Variants in IMMP2L observed in about 807,000 individuals in gnomAD.
IMMP2L encodes the protein inner mitochondrial membrane peptidase subunit 2.
A neutral mutation model predicts 19.3 loss-of-function variants in IMMP2L; 18 were observed. The observed-to-expected ratio is 0.93, with a 90% CI of 0.64 to 1.38. IMMP2L has a LOEUF of 1.38. Among genes scored for constraint, IMMP2L ranks in the 40% most tolerant of loss-of-function variants. The pLI is 0.00. For synonymous variants in IMMP2L, 76 were observed against 73.0 expected (o/e 1.04, Z -0.21); for missense variants, 233 against 218.2 (o/e 1.07, Z -0.43).
intron 5 of IMMP2L, among the ~76,000 whole-genome samples, chr7:110,882,282 C>T (rs911796673): frequency 1.4e-5 from 2 of 138,552 alleles, no homozygotes; most frequent in Admixed American, 7.1e-5. Flanking sequence ...CTCTCTTTGT[C>T]AAGTGCCTTC....
intron 3 of IMMP2L, among the ~76,000 whole-genome samples, chr7:111,259,332 T>G (rs1266813255): frequency 6.6e-6 from 1 of 152,028 alleles, no homozygotes; most frequent in Non-Finnish European, 1.5e-5. Flanking sequence ...TATTTTAAAT[T>G]TTTTCTTCAA....
chr7:110,810,427 T>C (rs1287319140), intron 5 of IMMP2L, among the ~76,000 whole-genome samples: 1 of 152,064 alleles, frequency 6.6e-6, no homozygotes, highest in Non-Finnish European at 1.5e-5. Flanking sequence ...CATCTTAATA[T>C]ACTGGGGGCA....
intron 3 of IMMP2L, among the ~76,000 whole-genome samples, chr7:111,263,638 T>A (rs1817550357): frequency 6.6e-6 from 1 of 152,128 alleles, no homozygotes; most frequent in African/African-American, 2.4e-5. Context: ...AATGGTATTT[T>A]TAAACCACAA....
intron 5 of IMMP2L, among the ~76,000 whole-genome samples, chr7:110,832,952 A>C (rs1804101438): frequency 6.6e-6 from 1 of 152,198 alleles, no homozygotes; most frequent in Non-Finnish European, 1.5e-5. Context: ...ACAGCTCCTG[A>C]CATGTTTTCC....
chr7:110,699,523 C>G (rs1479322956), intron 5 of IMMP2L, among the ~76,000 whole-genome samples: 1 of 152,104 alleles, frequency 6.6e-6, no homozygotes, highest in Non-Finnish European at 1.5e-5. Context: ...TTAATTCCAG[C>G]ACTTTGGGAG....
At chr7:111,240,274 T>C (rs1814846629) in intron 3 of IMMP2L, among the ~76,000 whole-genome samples, 2 of 152,008 alleles carry the variant, frequency 1.3e-5, no homozygotes, top group African/African-American at 4.8e-5. Flanking sequence ...CATCATTCCT[T>C]TAAAAACTGT....
chr7:110,878,146 C>G (rs1030425204), intron 5 of IMMP2L, among the ~76,000 whole-genome samples: 13 of 152,148 alleles, frequency 8.5e-5, no homozygotes, highest in African/African-American at 3.1e-4. Flanking sequence ...CATGTTTCAA[C>G]TTGTGATTCT....
chr7:110,697,216 T>C (rs7778435), intron 5 of IMMP2L, among the ~76,000 whole-genome samples: 43,537 of 152,044 alleles, frequency 0.29, 7,687 homozygotes, highest in African/African-American at 0.5. Flanking sequence ...TCTCATGATA[T>C]CCTTATGACT....
In IMMP2L at chr7:110,727,130, A is replaced by G. The variant is rs577481059; in HGVS notation, c.409-63409T>C. Among the ~76,000 whole-genome samples, 43 of 152,332 alleles carry G rather than the reference A, an allele frequency of 2.8e-4. No individual in the cohort carries two copies. The highest frequency in any genetic ancestry group is 5.9e-4 in the Admixed American group (9 of 15,300). On this transcript the variant is annotated intron_variant, in intron 5 of 5. Coordinates refer to ENST00000405709, the MANE Select transcript of IMMP2L (RefSeq NM_032549.4). This position sits in a 1 kb window ranked among gnomAD's most constrained non-coding sequence, Gnocchi z 4.3. ...AGGCTGGGTGCAATGGCTCACGCCT[A>G]TAATTCCAGAACTTTGAGAGGCTGA... is the stretch of plus-strand genomic sequence containing the variant.
chr7:111,222,428 G>A lies in IMMP2L; in HGVS notation c.240-258863C>T, dbSNP rs370091735. ...ATATTTTCAAGACTTATGACAAACA[G>A]ATGATTATTATCCAGAATATAAAAG... On this transcript the variant is annotated intron_variant, in intron 3 of 5. Coordinates refer to ENST00000405709, the MANE Select transcript of IMMP2L (RefSeq NM_032549.4). Among the ~76,000 whole-genome samples the A allele has an allele frequency of 1.3e-4, 20 of 151,590 alleles. No homozygotes were observed. In the East Asian group the frequency reaches 3.7e-3, roughly 28 times the overall value.
intron 3 of IMMP2L, among the ~76,000 whole-genome samples, chr7:111,426,428 GT>G (rs1836085058): frequency 6.6e-6 from 1 of 150,734 alleles, no homozygotes; most frequent in Non-Finnish European, 1.5e-5. Context: ...GCAATAACAT[GT>G]TTTCCCTGGA....
intron 5 of IMMP2L, among the ~76,000 whole-genome samples, chr7:110,836,185 GGT>G (rs1804454661): frequency 6.6e-6 from 1 of 152,124 alleles, no homozygotes; most frequent in African/African-American, 2.4e-5. Flanking sequence ...GGTTAATACT[GGT>G]TCCTGTATTC....
At chr7:110,916,428 G>A (rs1313835669) in intron 4 of IMMP2L, among the ~76,000 whole-genome samples, 1 of 152,174 alleles carries the variant, frequency 6.6e-6, no homozygotes, top group Non-Finnish European at 1.5e-5. Context: ...TGCTACTACA[G>A]AATAGATAAG....
chr7:111,531,430 C>A (rs1232424223), intron 1 of IMMP2L, among the ~76,000 whole-genome samples: 1 of 151,952 alleles, frequency 6.6e-6, no homozygotes, highest in East Asian at 1.9e-4. Flanking sequence ...TTATCCTTAT[C>A]CTGTAACTCC....
Position 110,839,674 on chromosome 7 carries a change from T to A in IMMP2L, c.408+46919A>T, listed in dbSNP as rs553055327. Among the ~76,000 whole-genome samples, 3 of 152,234 alleles carry A rather than the reference T, an allele frequency of 2.0e-5. No homozygotes were observed. The South Asian group carries it at 6.2e-4, about 32-fold the overall frequency. On this transcript the variant is annotated intron_variant, in intron 5 of 5. Coordinates refer to ENST00000405709, the MANE Select transcript of IMMP2L (RefSeq NM_032549.4). ...ACACATGAATGGATAATGAGGGCTA[T>A]GTATGTGTTCCTATATTAAGCAGAT...
chr7:111,115,051 T>C (rs1799711772), intron 3 of IMMP2L, among the ~76,000 whole-genome samples: 3 of 152,122 alleles, frequency 2.0e-5, no homozygotes, highest in African/African-American at 4.8e-5. Context: ...CAATCTAAGA[T>C]GAGTGAATAT....
intron 5 of IMMP2L, among the ~76,000 whole-genome samples, chr7:110,743,351 C>A (rs1366543905): frequency 6.6e-6 from 1 of 152,030 alleles, no homozygotes; most frequent in African/African-American, 2.4e-5. Context: ...TCATTTGAAT[C>A]TGAATTTGCA....
intron 4 of IMMP2L, among the ~76,000 whole-genome samples, chr7:110,937,661 C>A (rs2129552577): frequency 6.6e-6 from 1 of 152,252 alleles, no homozygotes; most frequent in South Asian, 2.1e-4. Flanking sequence ...GGAGAAAGGT[C>A]ACTTTTTGAC....
intron 4 of IMMP2L, among the ~76,000 whole-genome samples, chr7:110,892,810 T>C (rs766664727): frequency 2.0e-4 from 30 of 152,188 alleles, no homozygotes; most frequent in Admixed American, 5.9e-4. Flanking sequence ...ATCTTAACTA[T>C]ACAACTCAAT....
Sources: allele counts gnomAD v4.1 joint callset (sites outside exome capture counted in the v4.1 genomes callset), GRCh38; gene constraint gnomAD v4.1.1; non-coding constraint Gnocchi (gnomAD v3.1); transcripts MANE v1.5; gene names NCBI Gene and HGNC (gene_info 2026-07-23, HGNC 2026-07-21).